Variants in ZFAND5 observed in about 807,000 individuals in gnomAD.
ZFAND5 encodes the protein zinc finger AN1-type containing 5.
A neutral mutation model predicts 23.6 loss-of-function variants in ZFAND5; 4 were observed. The observed-to-expected ratio is 0.17, with a 90% confidence interval of 0.08 to 0.39. The LOEUF (loss-of-function observed/expected upper bound fraction) is 0.39, where lower values mean the gene tolerates loss of function less well. Among genes scored for constraint, ZFAND5 ranks in the 10% least tolerant of loss-of-function variants. The probability of loss-of-function intolerance (pLI) is 1.00; values close to 1 mark genes in which losing one functional copy is unlikely to be tolerated. For synonymous variants in ZFAND5, 68 were observed against 80.6 expected (o/e 0.84, Z 0.84); for missense variants, 161 against 253.7 (o/e 0.63, Z 2.48).
chr9:72,353,472 T>TC lies in ZFAND5; in HGVS notation c.*2480dup, dbSNP rs1360952277. On this transcript the variant is annotated 3_prime_UTR_variant, in exon 7 of 7. Coordinates refer to ENST00000376962, the MANE Select transcript of ZFAND5 (RefSeq NM_001102420.3). The stretch of plus-strand genomic sequence containing the variant: ...GGGCAGCTCACCTGAGGTCAGGAGT[T>TC]CAAGACCAGCCTGACCAACATGGAG... 1.3e-5 allele frequency: 2 copies of TC among 152,254 alleles called. No individual in the cohort carries two copies. Among genetic ancestry groups the TC allele is most frequent in the Non-Finnish European group, 2.9e-5 (2 of 68,096 alleles). 9.4% of individuals were successfully genotyped at this position (152,254 alleles called of 1,614,324 possible). A position where few individuals can be genotyped will look rare whatever the true frequency, so the allele number is the denominator to read the frequency against.
At chr9:72,356,838 TATG>T in intron 6 of ZFAND5, 90 bp downstream of exon 6, 2 of 1,220,022 alleles carry the variant, frequency 1.6e-6, no homozygotes. Flanking sequence ...TTTTTTTTTT[TATG>T]TGTAAGACCA....
intron 3 of ZFAND5, 155 bp downstream of exon 3, chr9:72,360,473 G>A: frequency 2.0e-6 from 2 of 1,022,696 alleles, no homozygotes. Flanking sequence ...ATTCATTCCT[G>A]ATCAGTCATG....
Position 72,365,011 on chromosome 9 carries a change from TCGCCTCA to T in ZFAND5, c.-469_-463del, listed in dbSNP as rs1842226274. 6.6e-6 allele frequency: 1 copy of T among 152,092 alleles called. No individual in the cohort carries two copies. The highest frequency in any genetic ancestry group is 2.1e-4 in the South Asian group (1 of 4,844). The allele number at this position is 152,092 out of a possible 1,614,324, so 9.4% of individuals were successfully genotyped here. ...CGCTGCTCGAGGCGCTCGCCTGTCG[TCGCCTCA>T]CGCCTCCACAGGCCGCAGGTTGGGC... is the stretch of plus-strand genomic sequence containing the variant. On this transcript the variant is annotated 5_prime_UTR_variant, in exon 1 of 7. Transcript: ENST00000376962.
At chr9:72,364,477 G>C in intron 1 of ZFAND5, 2 of 1,280,010 alleles carry the variant, frequency 1.6e-6, no homozygotes, top group Non-Finnish European at 1.0e-6. Flanking sequence ...TGTGGAGCGA[G>C]CCAGGGACGC....
At chr9:72,360,591 GTTCT>G in intron 3 of ZFAND5, 33 bp downstream of exon 3, 1 of 1,611,650 alleles carries the variant, frequency 6.2e-7, no homozygotes, top group African/African-American at 1.3e-5. Flanking sequence ...CTGTCCACCA[GTTCT>G]TTCAAATGTG....
In ZFAND5 at chr9:72,354,948, T is replaced by C. The variant is rs969; in HGVS notation, c.*1005A>G. The stretch of plus-strand genomic sequence containing the variant: ...TGATAAAGCAGCCCTCTGCAAGTGG[T>C]GCTGGATACCACTAAGAAGTCTACT... On this transcript the variant is annotated 3_prime_UTR_variant, in exon 7 of 7. Transcript: ENST00000376962. 67,725 of 152,480 alleles carry C rather than the reference T, an allele frequency of 0.44. 14,996 individuals are homozygous for C. The highest frequency in any genetic ancestry group is 0.46 in the Admixed American group (7,051 of 15,276). 9.4% of individuals were successfully genotyped at this position (152,480 alleles called of 1,614,324 possible).
chr9:72,359,835 A>G (rs541482994), intron 4 of ZFAND5, among the ~76,000 whole-genome samples: 1 of 152,190 alleles, frequency 6.6e-6, no homozygotes, highest in Non-Finnish European at 1.5e-5. Flanking sequence ...TGTCTGGCCC[A>G]ATAATATTCT....
At chr9:72,364,335 G>A in intron 1 of ZFAND5, 1 of 1,075,448 alleles carries the variant, frequency 9.3e-7, no homozygotes, top group Non-Finnish European at 1.2e-6. Context: ...AACGGGCAGG[G>A]GGCGCGGCCG....
Position 72,360,236 on chromosome 9 carries a change from G to A in ZFAND5, c.152-15C>T, listed in dbSNP as rs1488096296. On this transcript the variant is annotated splice_polypyrimidine_tract_variant and intron_variant, in intron 3 of 6. Coordinates refer to ENST00000376962, the MANE Select transcript of ZFAND5 (RefSeq NM_001102420.3). Reference sequence around the variant, plus strand: ...ACTAGCTGTTCCTATTTAAAAAAAGGATTTGTAAGGAACCAATGAACACTA... The same window carrying A: ...ACTAGCTGTTCCTATTTAAAAAAAGAATTTGTAAGGAACCAATGAACACTA... 3.8e-6 allele frequency: 6 copies of A among 1,599,212 alleles called. No individual in the cohort carries two copies. The highest frequency in any genetic ancestry group is 5.1e-6 in the Non-Finnish European group (6 of 1,171,372).
chr9:72,356,188 A>T, intron 6 of ZFAND5, 87 bp from the exon 7 acceptor site: 1 of 1,486,114 alleles, frequency 6.7e-7, no homozygotes, highest in Non-Finnish European at 9.1e-7. Flanking sequence ...AAGGAACCAG[A>T]TTTTCATTGC....
chr9:72,355,898 T>C lies in ZFAND5; in HGVS notation c.*55A>G. 1 of 1,535,166 alleles carries C rather than the reference T, an allele frequency of 6.5e-7. No individual in the cohort carries two copies. Among genetic ancestry groups the C allele is most frequent in the South Asian group, 1.2e-5 (1 of 81,124 alleles). On this transcript the variant is annotated 3_prime_UTR_variant, in exon 7 of 7. Coordinates refer to ENST00000376962, the MANE Select transcript of ZFAND5 (RefSeq NM_001102420.3). The stretch of plus-strand genomic sequence containing the variant: ...GGCCATGCATCTGCTCTTTAATGTT[T>C]TCCTACGATATATTAAAATAAAAAC...
rs1201929487 is a variant in ZFAND5, at chr9:72,354,280, A to ACCTG, written c.*1672_*1673insCAGG. On this transcript the variant is annotated 3_prime_UTR_variant, in exon 7 of 7. Transcript: ENST00000376962. The stretch of plus-strand genomic sequence containing the variant: ...AAAGGTGCCTATTGAATTCTTCAAA[A>ACCTG]ATAAACTGCCTATCAGGTATCATAC... The ACCTG allele has an allele frequency of 7.2e-5, 11 of 152,266 alleles. No individual in the cohort carries two copies. Among genetic ancestry groups the ACCTG allele is most frequent in the African/African-American group, 2.7e-4 (11 of 41,456 alleles). 9.4% of individuals were successfully genotyped at this position (152,266 alleles called of 1,614,324 possible).
At chr9:72,360,257 C>T in intron 3 of ZFAND5, 36 bp from the exon 4 acceptor site, 4 of 1,558,050 alleles carry the variant, frequency 2.6e-6, no homozygotes, top group Middle Eastern at 1.7e-4. Flanking sequence ...AACCAATGAA[C>T]ACTACAAAAA....
intron 2 of ZFAND5, among the ~76,000 whole-genome samples, chr9:72,362,927 G>A (rs1037530755): frequency 1.3e-5 from 2 of 152,096 alleles, no homozygotes; most frequent in Non-Finnish European, 2.9e-5. Context: ...ATATCTCAAA[G>A]CCTGCCAACT....
At position 72,360,101 on chromosome 9, in the gene ZFAND5, C is replaced by G. The variant is rs1842055460; in HGVS notation, c.263+9G>C. 2 of 1,604,668 alleles carry G rather than the reference C, an allele frequency of 1.2e-6. No homozygotes were observed. The highest frequency in any genetic ancestry group is 4.5e-5 in the East Asian group (2 of 44,802). Reference sequence around the variant, plus strand: ...AATATCATAAAAACTCTGAAACGTTCAATCTTACCTTGATTTTTCAGATGT... The same window carrying G: ...AATATCATAAAAACTCTGAAACGTTGAATCTTACCTTGATTTTTCAGATGT... On this transcript the variant is annotated intron_variant, in intron 4 of 6. Transcript: ENST00000376962.
chr9:72,364,557 G>A (rs1842207854), intron 1 of ZFAND5, 139 bp downstream of exon 1: 30 of 1,270,852 alleles, frequency 2.4e-5, no homozygotes, highest in Non-Finnish European at 3.1e-5. Context: ...GCTGGCGGGC[G>A]GGCTCCCCTC....
At chr9:72,360,977 CA>C (rs71357559) in intron 2 of ZFAND5, among the ~76,000 whole-genome samples, 190 bp from the exon 3 acceptor site, 15 of 149,618 alleles carry the variant, frequency 1.0e-4, no homozygotes, top group African/African-American at 2.0e-4. Context: ...GTTTTAGGAC[CA>C]AAAAAAAACC....
intron 6 of ZFAND5, 103 bp downstream of exon 6, chr9:72,356,828 T>A: frequency 7.7e-7 from 1 of 1,295,674 alleles, no homozygotes; most frequent in Non-Finnish European, 1.0e-6. Flanking sequence ...TCAGGCTTTT[T>A]TTTTTTTTTT....
At chr9:72,362,502 A>G (rs1314342212) in intron 2 of ZFAND5, among the ~76,000 whole-genome samples, 1 of 141,056 alleles carries the variant, frequency 7.1e-6, no homozygotes, top group African/African-American at 2.7e-5. Flanking sequence ...CAAGCGATCA[A>G]CCTACCTAAG....
Sources: allele counts gnomAD v4.1 joint callset (sites outside exome capture counted in the v4.1 genomes callset), GRCh38; gene constraint gnomAD v4.1.1; transcripts MANE v1.5; gene names NCBI Gene and HGNC (gene_info 2026-07-23, HGNC 2026-07-21).